The following TEAD1 variants were observed in gnomAD, a reference collection of about 807,000 sequenced individuals.
The protein encoded by TEAD1 is transcriptional enhancer factor TEF-1.
Under a neutral mutation model 54.9 loss-of-function variants are expected in TEAD1, and 9 were observed. That is an observed-to-expected ratio of 0.16 (90% confidence interval 0.10 to 0.29). The LOEUF is 0.29. Among genes scored for constraint, TEAD1 ranks in the 10% least tolerant of loss-of-function variants. The probability of loss-of-function intolerance (pLI) is 1.00; values close to 1 mark genes in which losing one functional copy is unlikely to be tolerated. For synonymous variants in TEAD1, 200 were observed against 187.8 expected, an observed-to-expected ratio of 1.07 and a Z score of -0.53; for missense variants, 387 against 535.9, an observed-to-expected ratio of 0.72 and a Z score of 2.74.
At chr11:12,837,756 T>C (rs980607058) in intron 3 of TEAD1, among the ~76,000 whole-genome samples, 32 of 123,538 alleles carry the variant, frequency 2.6e-4, no homozygotes, top group African/African-American at 1.1e-3. Flanking sequence ...TTCCTCCTCT[T>C]CCTCTTCTTC....
chr11:12,847,736 G>A (rs1947185380), intron 3 of TEAD1, among the ~76,000 whole-genome samples: 1 of 152,124 alleles, frequency 6.6e-6, no homozygotes, highest in Admixed American at 6.6e-5. Flanking sequence ...TGGCCAGGTT[G>A]TTCTTGAACT....
At chr11:12,721,869 C>T (rs1037909786) in intron 2 of TEAD1, among the ~76,000 whole-genome samples, 7 of 152,188 alleles carry the variant, frequency 4.6e-5, no homozygotes, top group African/African-American at 1.4e-4. Context: ...GGACAGTGGA[C>T]GTATGAGTTT....
At chr11:12,856,493 G>A (rs1204745855) in intron 3 of TEAD1, among the ~76,000 whole-genome samples, 1 of 152,102 alleles carries the variant, frequency 6.6e-6, no homozygotes, top group East Asian at 1.9e-4. Context: ...TGCAGAAATG[G>A]GCAAGGACAG....
chr11:12,848,398 A>G (rs1396941486), intron 3 of TEAD1, among the ~76,000 whole-genome samples: 1 of 152,208 alleles, frequency 6.6e-6, no homozygotes, highest in African/African-American at 2.4e-5. Flanking sequence ...ATGTGTGTAC[A>G]ATTCAGTCCA....
chr11:12,799,811 T>C (rs564937892), intron 3 of TEAD1, among the ~76,000 whole-genome samples: 23 of 152,350 alleles, frequency 1.5e-4, no homozygotes, highest in Admixed American at 7.8e-4. Context: ...TTTGTTTTTC[T>C]AACCTCCGTC....
intron 2 of TEAD1, among the ~76,000 whole-genome samples, chr11:12,728,763 C>T (rs1335774354): frequency 6.6e-6 from 1 of 152,158 alleles, no homozygotes; most frequent in Non-Finnish European, 1.5e-5. Context: ...AGGTTTTAGT[C>T]TTTTCTCTCC....
intron 2 of TEAD1, among the ~76,000 whole-genome samples, chr11:12,705,326 T>G (rs937449141): frequency 6.6e-6 from 1 of 152,208 alleles, no homozygotes; most frequent in African/African-American, 2.4e-5. Context: ...AATACACTTG[T>G]AGCATGCAAG....
intron 3 of TEAD1, among the ~76,000 whole-genome samples, chr11:12,830,460 A>C (rs939371661): frequency 3.9e-5 from 6 of 152,074 alleles, no homozygotes; most frequent in Non-Finnish European, 8.8e-5. Context: ...TTCATGTTAC[A>C]TCTGGCTGCA....
intron 2 of TEAD1, among the ~76,000 whole-genome samples, chr11:12,679,098 C>G (rs968738199): frequency 6.6e-6 from 1 of 151,978 alleles, no homozygotes; most frequent in African/African-American, 2.4e-5. Flanking sequence ...GAAACTCACT[C>G]GTTTCCTCTT....
At chr11:12,720,979 AC>A (rs1944183610) in intron 2 of TEAD1, among the ~76,000 whole-genome samples, 1 of 152,142 alleles carries the variant, frequency 6.6e-6, no homozygotes, top group Non-Finnish European at 1.5e-5. Flanking sequence ...TCTTGTGTGT[AC>A]CTTGGATTTC....
chr11:12,794,620 C>T (rs778343966), intron 3 of TEAD1, among the ~76,000 whole-genome samples: 9 of 152,148 alleles, frequency 5.9e-5, no homozygotes, highest in African/African-American at 4.8e-5. Context: ...GCAGTTCTGC[C>T]GGAGGCCTTC....
intron 3 of TEAD1, among the ~76,000 whole-genome samples, chr11:12,833,598 T>A (rs1564956667): frequency 6.6e-6 from 1 of 152,158 alleles, no homozygotes. Flanking sequence ...AGAACGTTAG[T>A]TACATTTACT....
intron 3 of TEAD1, among the ~76,000 whole-genome samples, chr11:12,791,123 A>G (rs1378002706): frequency 1.3e-5 from 2 of 152,202 alleles, no homozygotes; most frequent in African/African-American, 4.8e-5. Context: ...AGGACACCCT[A>G]TAGAGGAGAT....
chr11:12,916,737 G>A lies in TEAD1; in HGVS notation c.874-8175G>A, dbSNP rs139376423. ...CAAATGAGAAGCAGCATTCACAGAC[G>A]CCTGGACCAGTGTCGGACTGGATGG... On this transcript the variant is annotated intron_variant, in intron 10 of 12. Transcript: ENST00000527636. Among the ~76,000 whole-genome samples the A allele has an allele frequency of 7.9e-5, 12 of 152,314 alleles. No homozygotes were observed. The East Asian group carries it at 1.7e-3, about 22-fold the overall frequency.
intron 3 of TEAD1, among the ~76,000 whole-genome samples, chr11:12,857,553 A>G (rs917543495): frequency 2.8e-5 from 4 of 145,096 alleles, no homozygotes; most frequent in Non-Finnish European, 5.9e-5. Context: ...GGTTTACTGA[A>G]TCAAGCATCT....
chr11:12,851,126 G>C, intron 3 of TEAD1: 1 of 972,160 alleles, frequency 1.0e-6, no homozygotes, highest in Non-Finnish European at 1.2e-6. Flanking sequence ...TATTGAGCGA[G>C]ACACGGAAAG....
intron 10 of TEAD1, 141 bp downstream of exon 10, chr11:12,902,254 G>A (rs1041596793): frequency 8.4e-5 from 98 of 1,168,272 alleles, no homozygotes; most frequent in Non-Finnish European, 1.1e-4. Context: ...AAGGGAGCAC[G>A]GACTCACACC....
At chr11:12,905,330 G>C (rs1017474112) in intron 10 of TEAD1, among the ~76,000 whole-genome samples, 6 of 152,154 alleles carry the variant, frequency 3.9e-5, no homozygotes, top group African/African-American at 1.2e-4. Flanking sequence ...TATGGTAGCT[G>C]TTGGGAGATG....
chr11:12,681,855 A>G (rs1233572032), intron 2 of TEAD1, among the ~76,000 whole-genome samples: 1 of 152,244 alleles, frequency 6.6e-6, no homozygotes, highest in Non-Finnish European at 1.5e-5. Context: ...CAGGGCACAT[A>G]GATCCATTTA....
Sources: gnomAD v4.1 joint callset for allele counts (sites outside exome capture counted in the v4.1 genomes callset) on GRCh38, gnomAD v4.1.1 for gene constraint, MANE v1.5 for transcripts, NCBI Gene and HGNC (gene_info 2026-07-23, HGNC 2026-07-21) for gene names.